The following CSMD1 variants were observed in gnomAD, a reference collection of about 807,000 sequenced individuals.
CSMD1 encodes CUB and Sushi multiple domains 1.
CSMD1 carries 213 observed loss-of-function variants against 417.5 expected under a neutral mutation model. That is an observed-to-expected ratio of 0.51 (90% CI 0.46 to 0.57). CSMD1 has a LOEUF of 0.57. Ranked by LOEUF, CSMD1 falls within the 20% of genes least tolerant of loss-of-function variation. The pLI is 0.00. For missense variants in CSMD1, 6,923 were observed against 4,529.7 expected (o/e 1.53, Z -15.17); for synonymous variants, 2,862 against 1,736.8 (o/e 1.65, Z -16.11).
intron 3 of CSMD1, among the ~76,000 whole-genome samples, chr8:4,348,068 CA>C (rs1800876282): frequency 6.6e-6 from 1 of 152,110 alleles, no homozygotes; most frequent in Non-Finnish European, 1.5e-5. Context: ...ATACACCAGG[CA>C]AAAACAAACC....
intron 3 of CSMD1, among the ~76,000 whole-genome samples, chr8:4,245,118 C>A (rs973663573): frequency 1.3e-5 from 2 of 152,268 alleles, no homozygotes; most frequent in South Asian, 4.1e-4. Context: ...TTTCAATATT[C>A]ACTTCACACA....
intron 2 of CSMD1, among the ~76,000 whole-genome samples, chr8:4,618,908 T>C (rs1801624381): frequency 1.3e-5 from 2 of 152,162 alleles, no homozygotes; most frequent in African/African-American, 4.8e-5. Context: ...GCTCTAGCCA[T>C]AAACTCTTCA....
Position 3,599,400 on chromosome 8 carries a change from TCAC to T in CSMD1, c.1098-13143_1098-13141del, listed in dbSNP as rs371581080. ...ATCATTAACCCCAACGCAGCATTAT[TCAC>T]CACAATATAGCACTATTAAATACAA... On this transcript the variant is annotated intron_variant, in intron 8 of 69. Transcript: ENST00000635120. Among the ~76,000 whole-genome samples the T allele has an allele frequency of 4.3e-4, 65 of 152,170 alleles. No homozygotes were observed. The South Asian group carries it at 0.013, about 31-fold the overall frequency.
chr8:3,833,034 T>C (rs1406625612), intron 5 of CSMD1, among the ~76,000 whole-genome samples: 5 of 152,308 alleles, frequency 3.3e-5, no homozygotes, highest in East Asian at 1.9e-4. Context: ...TACTATAAAG[T>C]AGTGAGGGCT....
chr8:4,399,050 G>C (rs758893512), intron 3 of CSMD1, among the ~76,000 whole-genome samples: 4 of 152,188 alleles, frequency 2.6e-5, no homozygotes, highest in African/African-American at 9.7e-5. Flanking sequence ...TGTTCTGTAA[G>C]AATCTCAGTC....
At chr8:3,415,489 C>G (rs1452775134) in intron 12 of CSMD1, among the ~76,000 whole-genome samples, 2 of 152,198 alleles carry the variant, frequency 1.3e-5, no homozygotes, top group Admixed American at 6.5e-5. Context: ...TCCTGCATAT[C>G]TGGGATTATA....
chr8:3,644,473 C>T (rs1486331921), intron 7 of CSMD1, among the ~76,000 whole-genome samples: 2 of 152,092 alleles, frequency 1.3e-5, no homozygotes, highest in Non-Finnish European at 2.9e-5. Context: ...CTATGTGCTC[C>T]TTGGACATCA....
At chr8:3,913,534 C>T (rs1197612041) in intron 5 of CSMD1, among the ~76,000 whole-genome samples, 1 of 152,108 alleles carries the variant, frequency 6.6e-6, no homozygotes, top group Non-Finnish European at 1.5e-5. Flanking sequence ...GGAGCGAGCC[C>T]TAGGTGCAAG....
chr8:4,908,848 T>C (rs10216422), intron 1 of CSMD1, among the ~76,000 whole-genome samples: 36,520 of 152,114 alleles, frequency 0.24, 5,086 homozygotes, highest in East Asian at 0.52. Context: ...TCATACTCAC[T>C]TAAAATATCT....
chr8:4,723,789 A>AG (rs1809223355), intron 1 of CSMD1, among the ~76,000 whole-genome samples: 1 of 146,138 alleles, frequency 6.8e-6, no homozygotes, highest in Admixed American at 6.8e-5. Flanking sequence ...TTCGAATGTA[A>AG]AAAAAAAAAA....
chr8:4,331,212 C>A (rs910220405), intron 3 of CSMD1, among the ~76,000 whole-genome samples: 2 of 152,164 alleles, frequency 1.3e-5, no homozygotes, highest in African/African-American at 4.8e-5. Context: ...GACAAGATTA[C>A]TGCCTCCCAG....
chr8:4,448,951 C>G (rs575957743), intron 2 of CSMD1, among the ~76,000 whole-genome samples: 1 of 152,120 alleles, frequency 6.6e-6, no homozygotes, highest in Non-Finnish European at 1.5e-5. Flanking sequence ...ACCAGTGTAC[C>G]TGTTTCTCTT....
At chr8:4,283,214 C>G (rs1260338383) in intron 3 of CSMD1, among the ~76,000 whole-genome samples, 1 of 152,086 alleles carries the variant, frequency 6.6e-6, no homozygotes, top group Non-Finnish European at 1.5e-5. Context: ...TATGATTTTT[C>G]TAAATTTAAA....
chr8:4,362,411 G>C (rs17335806), intron 3 of CSMD1, among the ~76,000 whole-genome samples: 27,737 of 152,094 alleles, frequency 0.18, 2,908 homozygotes, highest in Admixed American at 0.26. Flanking sequence ...TCAGGTCCGA[G>C]GGATTAGATG....
intron 5 of CSMD1, among the ~76,000 whole-genome samples, chr8:3,919,135 G>A (rs75479708): frequency 5.1e-5 from 7 of 136,840 alleles, no homozygotes; most frequent in Admixed American, 1.6e-4. Flanking sequence ...TGTGTTTGAC[G>A]TAGTCCCACT....
intron 7 of CSMD1, among the ~76,000 whole-genome samples, chr8:3,644,714 T>C (rs1171615181): frequency 6.6e-6 from 1 of 152,148 alleles, no homozygotes; most frequent in East Asian, 1.9e-4. Context: ...CAGGGTTTAT[T>C]TGTGGGGCCT....
rs1269913594 is a variant in CSMD1, at chr8:3,142,583, A to C, written c.6123T>G (p.Ile2041Met). 2 of 1,613,894 alleles carry C rather than the reference A, an allele frequency of 1.2e-6. No homozygotes were observed. Among genetic ancestry groups the C allele is most frequent in the Non-Finnish European group, 1.7e-6 (2 of 1,179,902 alleles). The change falls in exon 41 of 70, where the codon ATT becomes ATG. Residue 2041 changes from isoleucine (I) to methionine (M), a missense_variant. Physicochemically the swap from Ile to Met is conservative, Grantham distance 10. Coordinates refer to ENST00000635120, the MANE Select transcript of CSMD1 (RefSeq NM_033225.6). ...QNGPYHTSPM[I>M]GQFSGTDLPA... ...GGAGATCCGTGCCGCTAAATTGTCC[A>C]ATCATGGGGCTGGTGTGGTAAGGTC...
intron 3 of CSMD1, among the ~76,000 whole-genome samples, chr8:4,223,557 C>G (rs1380400186): frequency 1.3e-5 from 2 of 152,228 alleles, no homozygotes; most frequent in Non-Finnish European, 2.9e-5. Flanking sequence ...AGCTGGCCTG[C>G]AAGGCAGGAC....
At chr8:4,332,644 C>A (rs984576727) in intron 3 of CSMD1, among the ~76,000 whole-genome samples, 17 of 150,804 alleles carry the variant, frequency 1.1e-4, no homozygotes, top group African/African-American at 1.7e-4. Flanking sequence ...CACAGACATG[C>A]AGCTCTCATT....
Sources: gnomAD v4.1 joint callset for allele counts (sites outside exome capture counted in the v4.1 genomes callset) on GRCh38, gnomAD v4.1.1 for gene constraint, MANE v1.5 for transcripts, NCBI Gene and HGNC (gene_info 2026-07-23, HGNC 2026-07-21) for gene names.